Variants in VPS33A observed in about 807,000 individuals in gnomAD.
VPS33A encodes VPS33A core subunit of CORVET and HOPS complexes.
In VPS33A, 32 loss-of-function variants were observed where a neutral mutation model predicts 71.8. That is an observed-to-expected ratio of 0.45 (90% CI 0.34 to 0.60). The LOEUF is 0.60. VPS33A is among the 20% of genes least tolerant of loss of function. VPS33A has a pLI of 0.02. For missense variants in VPS33A, 625 were observed against 748.5 expected, an observed-to-expected ratio of 0.84 and a Z score of 1.92; for synonymous variants, 311 against 292.7, an observed-to-expected ratio of 1.06 and a Z score of -0.64.
intron 3 of VPS33A, among the ~76,000 whole-genome samples, chr12:122,263,187 T>G (rs1955021550): frequency 6.6e-6 from 1 of 152,008 alleles, no homozygotes; most frequent in South Asian, 2.1e-4. Context: ...GAGACGGGGT[T>G]TCACTATGTT....
chr12:122,259,754 G>A (rs1242995906), intron 4 of VPS33A, among the ~76,000 whole-genome samples: 2 of 151,718 alleles, frequency 1.3e-5, no homozygotes, highest in Non-Finnish European at 2.9e-5. Flanking sequence ...GAAGATGCCA[G>A]ACACAAAGGA....
chr12:122,239,782 C>T (rs1954688983), intron 9 of VPS33A, 96 bp downstream of exon 9: 1 of 361,674 alleles, frequency 2.8e-6, no homozygotes, highest in Non-Finnish European at 4.6e-6. Flanking sequence ...AAAAAAAAGG[C>T]AAGGCATGGG....
At chr12:122,234,198 G>C (rs936554764) in intron 11 of VPS33A, among the ~76,000 whole-genome samples, 3 of 152,240 alleles carry the variant, frequency 2.0e-5, no homozygotes, top group African/African-American at 7.2e-5. Context: ...ACTGGCCACA[G>C]TGGCTGCCTC....
chr12:122,263,573 T>C lies in VPS33A; in HGVS notation c.295A>G (p.Ser99Gly), dbSNP rs573977857. The C allele has an allele frequency of 8.7e-6, 14 of 1,602,152 alleles. No homozygotes were observed. The South Asian group carries it at 1.4e-4, about 17-fold the overall frequency. The change falls in exon 3 of 13, where the codon AGT (serine) becomes GGT (glycine). Residue 99 changes from serine (S) to glycine (G), a missense_variant and splice_region_variant. Transcript: ENST00000267199. The part of the protein sequence containing the change: ...LMDIIAENVL[S>G]EDRRGPTRDF... ...GATCAAACACAAGCTCTGAGATACC[T>C]GAGCACGTTTTCAGCGATTATATCC... is the stretch of plus-strand genomic sequence containing the variant.
chr12:122,261,427 G>A lies in VPS33A; in HGVS notation c.317C>T (p.Thr106Met), dbSNP rs142468494. The change falls in exon 4 of 13, where the codon ACG (threonine) becomes ATG (methionine). Residue 106 changes from threonine to methionine, a missense_variant. Coordinates refer to ENST00000267199, the MANE Select transcript of VPS33A (RefSeq NM_022916.6). ...CACAAACAGAATATGAAAATCTCTCGTTGGGCCTCGTCTATCTTCACTGCA... is the reference window on the plus strand; with the variant it reads ...CACAAACAGAATATGAAAATCTCTCATTGGGCCTCGTCTATCTTCACTGCA... The part of the protein sequence containing the change: ...NVLSEDRRGP[T>M]RDFHILFVPR... 3.0e-5 allele frequency: 49 copies of A among 1,613,692 alleles called. No individual in the cohort carries two copies. Among genetic ancestry groups the A allele is most frequent in the Middle Eastern group, 1.6e-4 (1 of 6,084 alleles).
intron 4 of VPS33A, chr12:122,252,909 C>A (rs1954864127): frequency 6.6e-6 from 1 of 152,144 alleles, no homozygotes; most frequent in Admixed American, 6.5e-5. Context: ...GGTTTTTTTA[C>A]AACCATTATC....
At chr12:122,260,958 G>A (rs2136150835) in intron 4 of VPS33A, among the ~76,000 whole-genome samples, 2 of 152,360 alleles carry the variant, frequency 1.3e-5, no homozygotes, top group Admixed American at 1.3e-4. Context: ...CCGGGCGACA[G>A]AGCGAGACTC....
Position 122,264,195 on chromosome 12 carries a change from A to T in VPS33A, c.107T>A (p.Ile36Lys). The T allele has an allele frequency of 6.5e-7, 1 of 1,540,608 alleles. No homozygotes were observed. Among genetic ancestry groups the T allele is most frequent in the Non-Finnish European group, 8.8e-7 (1 of 1,130,552 alleles). The change falls in exon 2 of 13, where the codon ATA becomes AAA. Residue 36 changes from isoleucine (I) to lysine (K), a missense_variant. Physicochemically the swap from Ile to Lys is moderately radical, Grantham distance 102. Transcript: ENST00000267199. ...TCCAGTTAGGTATTCATCCCAAACTATTGCCTGTAAGAGGGGAGAAACATT... is the reference window on the plus strand; with the variant it reads ...TCCAGTTAGGTATTCATCCCAAACTTTTGCCTGTAAGAGGGGAGAAACATT... The part of the protein sequence containing the change: ...FLDKCAGSKA[I>K]VWDEYLTGPF...
At chr12:122,243,636 C>T (rs1037103424) in intron 7 of VPS33A, among the ~76,000 whole-genome samples, 1 of 152,146 alleles carries the variant, frequency 6.6e-6, no homozygotes, top group African/African-American at 2.4e-5. Flanking sequence ...CCAAAAGTAA[C>T]TTCAGAAATA....
intron 6 of VPS33A, among the ~76,000 whole-genome samples, chr12:122,245,409 C>G (rs915270279): frequency 4.0e-5 from 6 of 151,222 alleles, no homozygotes; most frequent in African/African-American, 1.5e-4. Flanking sequence ...GAATTAGAAA[C>G]TACGGTCTGA....
chr12:122,236,098 A>G (rs1210123315), intron 10 of VPS33A, among the ~76,000 whole-genome samples, 175 bp from the exon 11 acceptor site: 1 of 152,222 alleles, frequency 6.6e-6, no homozygotes, highest in Non-Finnish European at 1.5e-5. Flanking sequence ...AACTTGTCCT[A>G]AAACTGCTTG....
chr12:122,239,540 C>G (rs919236597), intron 9 of VPS33A, among the ~76,000 whole-genome samples: 1 of 152,042 alleles, frequency 6.6e-6, no homozygotes, highest in Non-Finnish European at 1.5e-5. Flanking sequence ...CGAGACCATC[C>G]TGGCTAACAT....
rs548703126 is a variant in VPS33A, at chr12:122,253,325, G to A, written c.484-2226C>T. The A allele has an allele frequency of 7.3e-4, 111 of 152,366 alleles. 2 individuals carry two copies. Among genetic ancestry groups the A allele is most frequent in the African/African-American group, 2.5e-3 (103 of 41,540 alleles). 9.4% of individuals were successfully genotyped at this position (152,366 alleles called of 1,614,324 possible). On this transcript the variant is annotated intron_variant, in intron 4 of 12. Transcript: ENST00000267199. ...ATCCCAGCACTTTGGGAGGCTGAGC[G>A]GGGAGGATCATGAGGTCGGGAGTTC...
rs760127383 is a variant in VPS33A at position 122,249,858 on chromosome 12, G to T, written c.775+13C>A. ...ATATTACCTATTAGTGAAAACAGAT[G>T]TCATGTACTTACTGTTCTGAATGCC... On this transcript the variant is annotated intron_variant, in intron 6 of 12. Coordinates refer to ENST00000267199, the MANE Select transcript of VPS33A (RefSeq NM_022916.6). The T allele has an allele frequency of 2.5e-6, 4 of 1,607,666 alleles. No homozygotes were observed. Among genetic ancestry groups the T allele is most frequent in the Non-Finnish European group, 3.4e-6 (4 of 1,177,092 alleles).
At chr12:122,247,350 C>T (rs1322699765) in intron 6 of VPS33A, among the ~76,000 whole-genome samples, 1 of 151,820 alleles carries the variant, frequency 6.6e-6, no homozygotes, top group African/African-American at 2.4e-5. Flanking sequence ...CCATCCTGAA[C>T]TTCAGAGCTC....
At chr12:122,265,924 A>C (rs989644894) in intron 1 of VPS33A, among the ~76,000 whole-genome samples, 1 of 152,164 alleles carries the variant, frequency 6.6e-6, no homozygotes, top group Non-Finnish European at 1.5e-5. Flanking sequence ...GTTTCAAGAG[A>C]GCTTCTAAGG....
chr12:122,261,466 T>G lies in VPS33A; in HGVS notation c.297-19A>C. 3.1e-6 allele frequency: 5 copies of G among 1,611,870 alleles called. No individual in the cohort carries two copies. Among genetic ancestry groups the G allele is most frequent in the Non-Finnish European group, 4.2e-6 (5 of 1,179,438 alleles). ...ATCTTCACTGCAAAGGAAGCAACAT[T>G]TGTTAGCTTATGAGCTCCTAAGAGT... On this transcript the variant is annotated intron_variant, in intron 3 of 12. Coordinates refer to ENST00000267199, the MANE Select transcript of VPS33A (RefSeq NM_022916.6).
rs766050415 is a variant in VPS33A, at chr12:122,250,988, C to T, written c.595G>A (p.Ala199Thr). 1.2e-6 allele frequency: 2 copies of T among 1,613,046 alleles called. No individual in the cohort carries two copies. The highest frequency in any genetic ancestry group is 1.7e-6 in the Non-Finnish European group (2 of 1,179,146). The change falls in exon 5 of 13, where the codon GCT becomes ACT. Residue 199 changes from alanine (A) to threonine (T), a missense_variant. Ala to Thr is a moderately conservative substitution (Grantham distance 58, BLOSUM62 0). Transcript: ENST00000267199. The stretch of plus-strand genomic sequence containing the variant: ...ACAAAGCAGCCGGTTCTCACCCGAG[C>T]GCATTCTCCTTTCCCAAAGATCTGG... ...IPQIFGKGEC[A>T]RQVANMMIRM...
intron 4 of VPS33A, 59 bp from the exon 5 acceptor site, chr12:122,251,158 T>A (rs2136139204): frequency 8.6e-7 from 1 of 1,166,222 alleles, no homozygotes; most frequent in Non-Finnish European, 1.3e-6. Flanking sequence ...GGCCCATCTC[T>A]GTTCCTGGGG....
Sources: gnomAD v4.1 joint callset for allele counts (sites outside exome capture counted in the v4.1 genomes callset) on GRCh38, gnomAD v4.1.1 for gene constraint, MANE v1.5 for transcripts, NCBI Gene and HGNC (gene_info 2026-07-23, HGNC 2026-07-21) for gene names.